The following HHAT variants were observed in gnomAD, a reference collection of about 807,000 sequenced individuals.
The protein encoded by HHAT is protein-cysteine N-palmitoyltransferase HHAT.
A neutral mutation model predicts 70.8 loss-of-function variants in HHAT; 47 were observed. That is an observed-to-expected ratio of 0.66 (90% CI 0.53 to 0.85). The LOEUF (loss-of-function observed/expected upper bound fraction) is 0.85, where lower values mean the gene tolerates loss of function less well. Among genes scored for constraint, HHAT ranks in the 40% least tolerant of loss-of-function variants. HHAT has a pLI of 0.00. For synonymous variants in HHAT, 228 were observed against 247.6 expected (o/e 0.92, Z 0.74); for missense variants, 609 against 604.8 (o/e 1.01, Z -0.07).
chr1:210,649,805 A>G (rs1674769424), intron 11 of HHAT, among the ~76,000 whole-genome samples: 1 of 152,230 alleles, frequency 6.6e-6, no homozygotes, highest in Non-Finnish European at 1.5e-5. Flanking sequence ...TGAAGGGGTC[A>G]TAGGTTTATA....
intron 11 of HHAT, among the ~76,000 whole-genome samples, chr1:210,629,054 T>C (rs576242272): frequency 1.1e-4 from 16 of 152,266 alleles, no homozygotes; most frequent in African/African-American, 3.4e-4. Context: ...TCTAGAAGAG[T>C]TTGAGAAGCA....
intron 2 of HHAT, among the ~76,000 whole-genome samples, chr1:210,357,733 T>C (rs2087799591): frequency 6.6e-6 from 1 of 152,186 alleles, no homozygotes; most frequent in East Asian, 1.9e-4. Context: ...GGCAGGAGAA[T>C]GGCGTGAACC....
intron 9 of HHAT, among the ~76,000 whole-genome samples, chr1:210,561,729 A>C (rs932404098): frequency 1.3e-5 from 2 of 152,260 alleles, no homozygotes; most frequent in African/African-American, 4.8e-5. Context: ...ATTGTGAAGT[A>C]ATTGTCAAAG....
chr1:210,586,805 A>G (rs925232785), intron 9 of HHAT, among the ~76,000 whole-genome samples: 7 of 152,226 alleles, frequency 4.6e-5, no homozygotes, highest in Admixed American at 2.6e-4. Context: ...TCCAGGTCCT[A>G]ACAGCTCAAG....
chr1:210,350,773 G>C (rs1379941916), intron 2 of HHAT, among the ~76,000 whole-genome samples: 2 of 151,952 alleles, frequency 1.3e-5, no homozygotes, highest in African/African-American at 2.4e-5. Flanking sequence ...GCATTAATTA[G>C]GGTTTCCAGT....
chr1:210,496,319 A>G (rs2094643613), intron 8 of HHAT, among the ~76,000 whole-genome samples: 2 of 152,152 alleles, frequency 1.3e-5, no homozygotes, highest in Admixed American at 1.3e-4. Flanking sequence ...TACTCATGAC[A>G]TCTTTGCTGG....
intron 9 of HHAT, among the ~76,000 whole-genome samples, chr1:210,554,555 G>T (rs940254849): frequency 2.0e-5 from 3 of 152,172 alleles, no homozygotes; most frequent in Admixed American, 6.5e-5. Flanking sequence ...CTGTGGAGGT[G>T]CTGTGAAAGT....
intron 3 of HHAT, chr1:210,374,056 G>C (rs1226772034): frequency 6.6e-6 from 1 of 152,172 alleles, no homozygotes; most frequent in South Asian, 2.1e-4. Flanking sequence ...TGCAAGTTCT[G>C]TTACACAATG....
At position 210,328,934 on chromosome 1, in the gene HHAT, C is replaced by T; in HGVS notation, c.-214C>T. The stretch of plus-strand genomic sequence containing the variant: ...GCGGCAGGGGCGTGCTCGGAGGACG[C>T]GCGCTGCGCTGCTCCTCCAAAGGGC... On this transcript the variant is annotated 5_prime_UTR_variant, in exon 1 of 12. Transcript: ENST00000261458. 9.3e-7 allele frequency: 1 copy of T among 1,075,618 alleles called. No individual in the cohort carries two copies. The highest frequency in any genetic ancestry group is 1.2e-6 in the Non-Finnish European group (1 of 838,012). The allele number at this position is 1,075,618 out of a possible 1,614,324, so 66.6% of individuals were successfully genotyped here. A position where few individuals can be genotyped will look rare whatever the true frequency, so the allele number is the denominator to read the frequency against.
chr1:210,421,817 G>A (rs1240915942), intron 7 of HHAT, among the ~76,000 whole-genome samples: 3 of 151,982 alleles, frequency 2.0e-5, no homozygotes, highest in Non-Finnish European at 4.4e-5. Context: ...TCTTTTTCTT[G>A]TGGATTCATA....
rs1005876871 is a variant in HHAT at position 210,573,907 on chromosome 1, A to T, written c.1044-13991A>T. 5.9e-5 allele frequency among the ~76,000 whole-genome samples: 9 copies of T among 152,236 alleles called. No homozygotes were observed. In the East Asian group the frequency reaches 1.2e-3, roughly 20 times the overall value. On this transcript the variant is annotated intron_variant, in intron 9 of 11. Transcript: ENST00000261458. ...ACAGTCAAAAGAAGAGGCAAAAGAG[A>T]TGAACCAGGGAAATGAGAGGGATGA...
chr1:210,585,305 T>A (rs1163554687), intron 9 of HHAT, among the ~76,000 whole-genome samples: 1 of 152,134 alleles, frequency 6.6e-6, no homozygotes, highest in East Asian at 1.9e-4. Context: ...GGAACACATT[T>A]GAGAGTGGAG....
At chr1:210,559,432 C>G (rs2095601806) in intron 9 of HHAT, among the ~76,000 whole-genome samples, 2 of 152,312 alleles carry the variant, frequency 1.3e-5, no homozygotes, top group Non-Finnish European at 2.9e-5. Flanking sequence ...TGATGTGAAG[C>G]AGGATATAGT....
chr1:210,398,141 AG>A (rs1402334058), intron 4 of HHAT, among the ~76,000 whole-genome samples: 1 of 152,366 alleles, frequency 6.6e-6, no homozygotes, highest in East Asian at 1.9e-4. Flanking sequence ...TTTTGGGGAT[AG>A]GATTCATTCC....
At chr1:210,421,826 T>A (rs899627832) in intron 7 of HHAT, among the ~76,000 whole-genome samples, 2 of 152,210 alleles carry the variant, frequency 1.3e-5, no homozygotes, top group African/African-American at 4.8e-5. Context: ...TGTGGATTCA[T>A]AAAATTTATA....
chr1:210,566,962 T>A (rs1226307580), intron 9 of HHAT, among the ~76,000 whole-genome samples: 1 of 152,246 alleles, frequency 6.6e-6, no homozygotes, highest in Non-Finnish European at 1.5e-5. Context: ...ACATGCCCAT[T>A]TGGGCTTTGG....
intron 11 of HHAT, among the ~76,000 whole-genome samples, chr1:210,651,619 T>A (rs1425167812): frequency 6.6e-6 from 1 of 152,072 alleles, no homozygotes; most frequent in East Asian, 1.9e-4. Flanking sequence ...AGGTTGAGAG[T>A]GTCGGTAGAA....
intron 8 of HHAT, among the ~76,000 whole-genome samples, chr1:210,509,178 A>G (rs1175088798): frequency 6.6e-6 from 1 of 152,262 alleles, no homozygotes; most frequent in East Asian, 1.9e-4. Context: ...GCTGGGGACC[A>G]GAAATCAGTG....
chr1:210,370,189 T>C (rs1222090166), intron 3 of HHAT, among the ~76,000 whole-genome samples: 24 of 124,100 alleles, frequency 1.9e-4, no homozygotes, highest in South Asian at 1.6e-3. Context: ...TTTTTTTTTT[T>C]CCTGAATGCA....
Sources: gnomAD v4.1 joint callset for allele counts (sites outside exome capture counted in the v4.1 genomes callset) on GRCh38, gnomAD v4.1.1 for gene constraint, MANE v1.5 for transcripts, NCBI Gene and HGNC (gene_info 2026-07-23, HGNC 2026-07-21) for gene names.